Variants in LUZP1 observed in about 807,000 individuals in gnomAD.
LUZP1 encodes leucine zipper protein 1.
A neutral mutation model predicts 71.3 loss-of-function variants in LUZP1; 25 were observed. The ratio of observed to expected loss-of-function variants is 0.35; its 90% CI spans 0.26 to 0.49. The LOEUF (loss-of-function observed/expected upper bound fraction) is 0.49. Among genes scored for constraint, LUZP1 ranks in the 20% least tolerant of loss-of-function variants. LUZP1 has a pLI of 0.99. For missense variants in LUZP1, 1,142 were observed against 1,300.8 expected (o/e 0.88, Z 1.88); for synonymous variants, 481 against 506.4 (o/e 0.95, Z 0.67).
intron 3 of LUZP1, among the ~76,000 whole-genome samples, chr1:23,096,134 A>C (rs1354776086): frequency 6.6e-6 from 1 of 152,010 alleles, no homozygotes; most frequent in African/African-American, 2.4e-5. Flanking sequence ...AGGAATGAAA[A>C]AAAAAAAAAA....
Position 23,107,187 on chromosome 1 carries a change from T to A in LUZP1, c.-120+1835A>T, listed in dbSNP as rs1643989480. 2.0e-5 allele frequency among the ~76,000 whole-genome samples: 3 copies of A among 152,278 alleles called. No individual in the cohort carries two copies. The South Asian group carries it at 6.2e-4, about 32-fold the overall frequency. ...GATCTTAGCTTAAAATATCACCTCATCAGAGGCCTTCCTTGATTGCTGTAC... is the reference window on the plus strand; with the variant it reads ...GATCTTAGCTTAAAATATCACCTCAACAGAGGCCTTCCTTGATTGCTGTAC... On this transcript the variant is annotated intron_variant, in intron 3 of 4. Coordinates refer to ENST00000302291, the Ensembl canonical transcript of LUZP1.
intron 2 of LUZP1, among the ~76,000 whole-genome samples, chr1:23,123,451 C>A (rs1258747466): frequency 3.4e-5 from 5 of 149,112 alleles, no homozygotes; most frequent in Non-Finnish European, 3.0e-5. Flanking sequence ...AAGATCACAC[C>A]ACTGCACTCC....
At chr1:23,137,325 A>T (rs1644262496) in intron 2 of LUZP1, among the ~76,000 whole-genome samples, 11 of 152,196 alleles carry the variant, frequency 7.2e-5, no homozygotes, top group Admixed American at 7.2e-4. Flanking sequence ...AACATCATTA[A>T]CTGTTAGGAA....
At chr1:23,084,653 A>C (rs745575229) in exon 5 of LUZP1, 2 of 152,134 alleles carry the variant, frequency 1.3e-5, no homozygotes, top group Non-Finnish European at 2.9e-5. Flanking sequence ...ATGTGGTTTT[A>C]TTCTTTCTTA....
exon 4 of LUZP1, chr1:23,091,916 T>C: frequency 6.2e-7 from 1 of 1,614,074 alleles, no homozygotes. Flanking sequence ...TGGAGACGGG[T>C]TTCTGTTTCT....
rs1644390140 is a variant in LUZP1 at position 23,152,180 on chromosome 1, A to G, written c.-226+16586T>C. On this transcript the variant is annotated intron_variant, in intron 2 of 4. Transcript: ENST00000302291. The stretch of plus-strand genomic sequence containing the variant: ...CAAATTATGTTAAAAAAATCATAAA[A>G]TAACAAATGTTTTCCAAAAAGTCCT... 2.0e-5 allele frequency among the ~76,000 whole-genome samples: 3 copies of G among 152,128 alleles called. No homozygotes were observed. In the South Asian group the frequency reaches 6.2e-4, roughly 31 times the overall value.
chr1:23,092,878 T>C, exon 4 of LUZP1: 1 of 1,613,780 alleles, frequency 6.2e-7, no homozygotes. Flanking sequence ...TTCCCTTCGC[T>C]CTGGGAGGAG....
At chr1:23,087,783 G>T (rs1161408552) in exon 5 of LUZP1, 1 of 152,624 alleles carries the variant, frequency 6.6e-6, no homozygotes, top group Non-Finnish European at 1.5e-5. Flanking sequence ...CCCTCAATGC[G>T]TATGTACGTA....
At chr1:23,149,470 C>T (rs1387971287) in intron 2 of LUZP1, among the ~76,000 whole-genome samples, 1 of 151,992 alleles carries the variant, frequency 6.6e-6, no homozygotes, top group Non-Finnish European at 1.5e-5. Flanking sequence ...AACTTATAGT[C>T]AAAGAGGCTC....
chr1:23,164,632 GC>G (rs1251134256), intron 2 of LUZP1, among the ~76,000 whole-genome samples: 1 of 152,196 alleles, frequency 6.6e-6, no homozygotes, highest in African/African-American at 2.4e-5. Context: ...AGAGACTTGA[GC>G]TAAAGCATAC....
At chr1:23,091,338 G>A in exon 4 of LUZP1, 2 of 1,614,140 alleles carry the variant, frequency 1.2e-6, no homozygotes, top group Non-Finnish European at 1.7e-6. Context: ...TACCCTTCGA[G>A]TGCCCTGCTC....
chr1:23,171,236 A>C (rs1644551391), intron 1 of LUZP1, among the ~76,000 whole-genome samples: 1 of 152,082 alleles, frequency 6.6e-6, no homozygotes, highest in Non-Finnish European at 1.5e-5. Flanking sequence ...CATATGGAAG[A>C]CTTTAGGGTC....
chr1:23,094,442 A>C lies in LUZP1; in HGVS notation c.-119-62T>G. ...ATGTAAAACCTGCACGTTAGCTCCC[A>C]GTTATAGAAAAGTGCTCCTATCTGT... On this transcript the variant is annotated intron_variant, in intron 3 of 4. Transcript: ENST00000302291. This position sits in a 1 kb window ranked among gnomAD's most constrained non-coding sequence, Gnocchi z 4.7. The C allele has an allele frequency of 7.8e-7, 1 of 1,275,646 alleles. No homozygotes were observed. The highest frequency in any genetic ancestry group is 1.5e-5 in the African/African-American group (1 of 66,024). 79.0% of individuals were successfully genotyped at this position (1,275,646 alleles called of 1,614,324 possible). A position where few individuals can be genotyped will look rare whatever the true frequency, so the allele number is the denominator to read the frequency against.
At chr1:23,172,181 A>G (rs987834933) in intron 1 of LUZP1, among the ~76,000 whole-genome samples, 6 of 152,206 alleles carry the variant, frequency 3.9e-5, no homozygotes, top group Non-Finnish European at 5.9e-5. Context: ...TCATCCTCCC[A>G]GCAAGACCTC....
At position 23,094,082 on chromosome 1, in the gene LUZP1, G is replaced by A; in HGVS notation, c.180C>T (p.Ser60=). 1 of 1,614,162 alleles carries A rather than the reference G, an allele frequency of 6.2e-7. No homozygotes were observed. The highest frequency in any genetic ancestry group is 8.5e-7 in the Non-Finnish European group (1 of 1,180,038). Residue 60 remains serine (S), a synonymous_variant, in exon 4 of 5, where the codon AGC becomes AGT. Coordinates refer to ENST00000302291, the Ensembl canonical transcript of LUZP1. This position sits in a 1 kb window ranked among gnomAD's most constrained non-coding sequence, Gnocchi z 4.7. ...GCAGCACTTCAATCTCCGCCAACATGCTGGAGTTGCTACCTTCTGCCTGAA... is the reference window on the plus strand; with the variant it reads ...GCAGCACTTCAATCTCCGCCAACATACTGGAGTTGCTACCTTCTGCCTGAA...
At chr1:23,161,265 G>C (rs965940607) in intron 2 of LUZP1, among the ~76,000 whole-genome samples, 1 of 152,174 alleles carries the variant, frequency 6.6e-6, no homozygotes, top group Admixed American at 6.6e-5. Flanking sequence ...ATTGCAATAG[G>C]TGCTATGAAA....
exon 2 of LUZP1, chr1:23,168,886 AG>A (rs915818072): frequency 6.6e-6 from 1 of 152,200 alleles, no homozygotes; most frequent in African/African-American, 2.4e-5. Context: ...TTGTGACGTC[AG>A]CGTTCTGGAA....
intron 2 of LUZP1, among the ~76,000 whole-genome samples, chr1:23,136,733 C>A (rs906234076): frequency 6.6e-6 from 1 of 152,062 alleles, no homozygotes; most frequent in African/African-American, 2.4e-5. Context: ...ACAGTGAAAC[C>A]CTGTCTCTAC....
exon 4 of LUZP1, chr1:23,091,928 C>T (rs1643861992): frequency 6.2e-7 from 1 of 1,614,170 alleles, no homozygotes; most frequent in Non-Finnish European, 8.5e-7. Flanking sequence ...TCTGTTTCTC[C>T]AACGTAGTCT....
Sources: gnomAD v4.1 joint callset for allele counts (sites outside exome capture counted in the v4.1 genomes callset) on GRCh38, gnomAD v4.1.1 for gene constraint, Gnocchi (gnomAD v3.1) non-coding constraint, MANE v1.5 for transcripts, NCBI Gene and HGNC (gene_info 2026-07-23, HGNC 2026-07-21) for gene names.